Variants in BNIP3L observed in about 807,000 individuals in gnomAD.
BNIP3L encodes BCL2/adenovirus E1B 19 kDa protein-interacting protein 3-like.
In BNIP3L, 10 loss-of-function variants were observed where a neutral mutation model predicts 25.5. The ratio of observed to expected loss-of-function variants is 0.39; its 90% CI spans 0.24 to 0.67. The LOEUF is 0.67. Ranked by LOEUF, BNIP3L falls within the 30% of genes least tolerant of loss-of-function variation. The probability of loss-of-function intolerance (pLI) is 0.45; values close to 1 mark genes in which losing one functional copy is unlikely to be tolerated. For missense variants in BNIP3L, 215 were observed against 270.9 expected, an observed-to-expected ratio of 0.79 and a Z score of 1.45; for synonymous variants, 113 against 101.2, an observed-to-expected ratio of 1.12 and a Z score of -0.70.
At chr8:26,403,805 G>A (rs1806442394) in intron 3 of BNIP3L, among the ~76,000 whole-genome samples, 1 of 152,082 alleles carries the variant, frequency 6.6e-6, no homozygotes, top group East Asian at 1.9e-4. Flanking sequence ...CTCCCAAAGT[G>A]CTGGAATTAC....
chr8:26,387,696 T>C (rs963961563), intron 1 of BNIP3L, among the ~76,000 whole-genome samples: 1 of 152,236 alleles, frequency 6.6e-6, no homozygotes, highest in African/African-American at 2.4e-5. Context: ...CATAACTTTC[T>C]CTGTACCACT....
Position 26,386,173 on chromosome 8 carries a change from AT to A in BNIP3L, c.100+2952del, listed in dbSNP as rs3840706. On this transcript the variant is annotated intron_variant, in intron 1 of 5. Transcript: ENST00000380629. The stretch of plus-strand genomic sequence containing the variant: ...ATTTGAATAGTGAAGTATTTTTGTG[AT>A]TTTTTTTTAACTTTACCGCTGTGGA... Among the ~76,000 whole-genome samples the A allele has an allele frequency of 9.8e-4, 148 of 151,606 alleles. No homozygotes were observed. The East Asian group carries it at 0.026, about 27-fold the overall frequency.
intron 1 of BNIP3L, 113 bp downstream of exon 1, chr8:26,383,343 C>T: frequency 1.3e-6 from 2 of 1,492,838 alleles, no homozygotes; most frequent in Non-Finnish European, 9.0e-7. Context: ...TTGGCTCAGG[C>T]ATGGGATGTC....
chr8:26,383,077 C>T lies in BNIP3L; in HGVS notation c.-54C>T, dbSNP rs1054546945. 68 of 1,481,366 alleles carry T rather than the reference C, an allele frequency of 4.6e-5. No individual in the cohort carries two copies. The highest frequency in any genetic ancestry group is 5.8e-5 in the Non-Finnish European group (63 of 1,089,564). 91.8% of individuals were successfully genotyped at this position (1,481,366 alleles called of 1,614,324 possible). The stretch of plus-strand genomic sequence containing the variant: ...GCGGACTCGGCTTGTTGTGTTGCTG[C>T]CTGAGTGCCGGAGACGGTCCTGCTG... On this transcript the variant is annotated 5_prime_UTR_variant, in exon 1 of 6. Coordinates refer to ENST00000380629, the MANE Select transcript of BNIP3L (RefSeq NM_004331.3).
intron 3 of BNIP3L, 104 bp from the exon 4 acceptor site, chr8:26,407,896 A>T: frequency 1.0e-6 from 1 of 976,566 alleles, no homozygotes; most frequent in Middle Eastern, 2.7e-4. Flanking sequence ...AAAATTTCTG[A>T]GACACAACCT....
chr8:26,385,197 A>G (rs1466440599), intron 1 of BNIP3L, among the ~76,000 whole-genome samples: 1 of 152,116 alleles, frequency 6.6e-6, no homozygotes, highest in Non-Finnish European at 1.5e-5. Context: ...TTGTTTCTTA[A>G]TTGTACAGTT....
chr8:26,386,991 A>C (rs1806006278), intron 1 of BNIP3L, among the ~76,000 whole-genome samples: 2 of 152,210 alleles, frequency 1.3e-5, no homozygotes, highest in African/African-American at 4.8e-5. Flanking sequence ...ATAATGAATG[A>C]AAAGCTTTGA....
Position 26,411,613 on chromosome 8 carries a change from C to T in BNIP3L, c.*1201C>T, listed in dbSNP as rs937382407. 6.6e-6 allele frequency: 1 copy of T among 152,572 alleles called. No individual in the cohort carries two copies. Among genetic ancestry groups the T allele is most frequent in the African/African-American group, 2.4e-5 (1 of 41,438 alleles). 9.5% of individuals were successfully genotyped at this position (152,572 alleles called of 1,614,324 possible). On this transcript the variant is annotated 3_prime_UTR_variant, in exon 6 of 6. Transcript: ENST00000380629. ...TCATTTTCTCATGTAGCTGTCTTTT[C>T]AGTTATGGTAAACTCTTAAAGTTCA...
intron 3 of BNIP3L, among the ~76,000 whole-genome samples, chr8:26,406,956 T>G (rs968504803): frequency 2.0e-5 from 3 of 152,108 alleles, no homozygotes; most frequent in Non-Finnish European, 4.4e-5. Flanking sequence ...TAGCATATCC[T>G]TTTATTTCCT....
chr8:26,404,134 A>C (rs999220056), intron 3 of BNIP3L, among the ~76,000 whole-genome samples: 3 of 152,252 alleles, frequency 2.0e-5, no homozygotes, highest in Non-Finnish European at 2.9e-5. Flanking sequence ...AAAGACCATG[A>C]AACTGCTTTT....
At chr8:26,401,936 T>G (rs1349267712) in intron 3 of BNIP3L, among the ~76,000 whole-genome samples, 2 of 152,340 alleles carry the variant, frequency 1.3e-5, no homozygotes, top group East Asian at 3.9e-4. Flanking sequence ...AAAAGTGTCA[T>G]TAGAGTACAA....
At chr8:26,401,142 G>A (rs200969221) in intron 3 of BNIP3L, among the ~76,000 whole-genome samples, 2,062 of 129,240 alleles carry the variant, frequency 0.016, 4 homozygotes, top group Non-Finnish European at 0.026. Flanking sequence ...CATTATTCAC[G>A]ATAGCAAAGA....
At position 26,406,910 on chromosome 8, in the gene BNIP3L, C is replaced by T. The variant is rs1194247635; in HGVS notation, c.358-1090C>T. Among the ~76,000 whole-genome samples the T allele has an allele frequency of 4.0e-5, 6 of 151,524 alleles. 1 individual carries two copies. The Middle Eastern group carries it at 0.017, about 429-fold the overall frequency. On this transcript the variant is annotated intron_variant, in intron 3 of 5. Coordinates refer to ENST00000380629, the MANE Select transcript of BNIP3L (RefSeq NM_004331.3). ...TTATTTATTTCCTCATCACATCTCT[C>T]ACTTATTTTTGTTTTACTTCTCATC...
intron 1 of BNIP3L, among the ~76,000 whole-genome samples, chr8:26,384,784 G>T (rs559500695): frequency 7.8e-6 from 1 of 128,054 alleles, no homozygotes; most frequent in Non-Finnish European, 1.6e-5. Flanking sequence ...TACAACCTCC[G>T]CCTCCCAGGT....
At chr8:26,383,447 C>T (rs1164897880) in intron 1 of BNIP3L, 2 of 1,366,978 alleles carry the variant, frequency 1.5e-6, no homozygotes, top group Non-Finnish European at 9.4e-7. Flanking sequence ...GGGCCCGGGG[C>T]CGTTTGGGCT....
At chr8:26,396,674 G>A (rs1473662434) in intron 3 of BNIP3L, among the ~76,000 whole-genome samples, 3 of 151,564 alleles carry the variant, frequency 2.0e-5, no homozygotes, top group Non-Finnish European at 4.4e-5. Flanking sequence ...TCAAATTAGA[G>A]TGAGCTACGG....
chr8:26,408,356 T>C lies in BNIP3L; in HGVS notation c.591T>C (p.His197=). ...KVFIPSLFLS[H]VLALGLGIYI... Reference sequence around the variant, plus strand: ...TCATTCCATCTCTCTTCCTTTCTCATGTTTTGGCTTTGGGGCTAGGGTAAG... The same window carrying C: ...TCATTCCATCTCTCTTCCTTTCTCACGTTTTGGCTTTGGGGCTAGGGTAAG... The change falls in exon 5 of 6, where the codon CAT becomes CAC. Residue 197 remains histidine (H), a synonymous_variant. Coordinates refer to ENST00000380629, the MANE Select transcript of BNIP3L (RefSeq NM_004331.3). 6.2e-7 allele frequency: 1 copy of C among 1,614,186 alleles called. No homozygotes were observed. The highest frequency in any genetic ancestry group is 8.5e-7 in the Non-Finnish European group (1 of 1,180,026).
At chr8:26,388,680 T>C (rs1806042222) in intron 1 of BNIP3L, among the ~76,000 whole-genome samples, 1 of 152,008 alleles carries the variant, frequency 6.6e-6, no homozygotes, top group Admixed American at 6.5e-5. Context: ...TTCAAAAAAG[T>C]AAAAACCAGG....
intron 3 of BNIP3L, among the ~76,000 whole-genome samples, chr8:26,402,229 G>C (rs1411478783): frequency 6.6e-6 from 1 of 152,162 alleles, no homozygotes; most frequent in Non-Finnish European, 1.5e-5. Context: ...TTATGATGAT[G>C]AGCTTTATAC....
Sources: allele counts gnomAD v4.1 joint callset (sites outside exome capture counted in the v4.1 genomes callset), GRCh38; gene constraint gnomAD v4.1.1; transcripts MANE v1.5; gene names NCBI Gene and HGNC (gene_info 2026-07-23, HGNC 2026-07-21).